Variants in SUMF1 observed in about 807,000 individuals in gnomAD.
SUMF1 encodes sulfatase modifying factor 1.
A neutral mutation model predicts 47.6 loss-of-function variants in SUMF1; 48 were observed. That is an observed-to-expected ratio of 1.01 (90% confidence interval 0.80 to 1.28). The LOEUF (loss-of-function observed/expected upper bound fraction) is 1.28, where lower values mean the gene tolerates loss of function less well. SUMF1 is among the 50% of genes most tolerant of loss of function. SUMF1 has a pLI of 0.00. For missense variants in SUMF1, 571 were observed against 485.4 expected (o/e 1.18, Z -1.66); for synonymous variants, 230 against 192.1 (o/e 1.20, Z -1.63).
At chr3:4,416,816 G>A (rs373908172) in intron 6 of SUMF1, among the ~76,000 whole-genome samples, 21 of 152,280 alleles carry the variant, frequency 1.4e-4, no homozygotes, top group African/African-American at 5.1e-4. Flanking sequence ...AACAAATGGG[G>A]AAGAAATGCA....
chr3:4,317,311 G>T, intron 8 of SUMF1: 6 of 1,019,860 alleles, frequency 5.9e-6, no homozygotes, highest in Non-Finnish European at 7.0e-6. Context: ...AGTTAGTTTT[G>T]CACCAACCCA....
chr3:4,132,440 T>C (rs1693814429), intron 8 of SUMF1, among the ~76,000 whole-genome samples: 3 of 152,072 alleles, frequency 2.0e-5, no homozygotes, highest in Admixed American at 6.5e-5. Flanking sequence ...GGGTCAAAGT[T>C]CTCCAGAAGG....
chr3:4,346,930 T>G (rs900073857), intron 8 of SUMF1, among the ~76,000 whole-genome samples: 1 of 152,118 alleles, frequency 6.6e-6, no homozygotes, highest in Non-Finnish European at 1.5e-5. Flanking sequence ...CTAGAAAATC[T>G]AGAAGAAATG....
intron 8 of SUMF1, among the ~76,000 whole-genome samples, chr3:4,095,986 A>C (rs1465169790): frequency 6.6e-6 from 1 of 152,132 alleles, no homozygotes; most frequent in Non-Finnish European, 1.5e-5. Flanking sequence ...CCACCTGGTA[A>C]AATAACTACT....
At chr3:4,046,051 T>C (rs923746702) in intron 9 of SUMF1, among the ~76,000 whole-genome samples, 2 of 151,924 alleles carry the variant, frequency 1.3e-5, no homozygotes, top group Admixed American at 6.6e-5. Context: ...AGCTTGTCTC[T>C]TAAAAAAGAA....
At chr3:4,321,691 AC>A (rs1159079564) in intron 8 of SUMF1, among the ~76,000 whole-genome samples, 2 of 152,148 alleles carry the variant, frequency 1.3e-5, no homozygotes, top group East Asian at 3.8e-4. Context: ...TGGGGTAAAG[AC>A]AAATCTAACT....
Position 4,152,012 on chromosome 3 carries a change from G to A in SUMF1, c.1015-83267C>T, listed in dbSNP as rs373565699. 7.9e-5 allele frequency among the ~76,000 whole-genome samples: 12 copies of A among 151,642 alleles called. 2 individuals carry two copies. Among genetic ancestry groups the A allele is most frequent in the Admixed American group, 6.5e-5 (1 of 15,280 alleles). On this transcript the variant is annotated intron_variant and NMD_transcript_variant, in intron 8 of 12. Transcript: ENST00000448413. Reference sequence around the variant, plus strand: ...CCCAATTCAGTTCAAGTATTAATATGATGAAAATACAAGCATTCATAATGT... The same window carrying A: ...CCCAATTCAGTTCAAGTATTAATATAATGAAAATACAAGCATTCATAATGT...
Position 4,223,933 on chromosome 3 carries a change from C to G in SUMF1, c.1014+152397G>C, listed in dbSNP as rs6798737. ...TTCATTTCTTCATCTGTTAAATAAG[C>G]CTCATAATCCCCCTAGCTATCTCTT... On this transcript the variant is annotated intron_variant and NMD_transcript_variant, in intron 8 of 12. Transcript: ENST00000448413. Among the ~76,000 whole-genome samples, 98 of 152,240 alleles carry G rather than the reference C, an allele frequency of 6.4e-4. 1 individual carries two copies. Among genetic ancestry groups the G allele is most frequent in the African/African-American group, 2.2e-3 (92 of 41,550 alleles).
At chr3:4,271,787 C>A (rs1400914969) in intron 8 of SUMF1, among the ~76,000 whole-genome samples, 1 of 152,094 alleles carries the variant, frequency 6.6e-6, no homozygotes, top group Non-Finnish European at 1.5e-5. Flanking sequence ...CAAGAATGAG[C>A]CAACCTGGTC....
In SUMF1 at chr3:4,105,567, T is replaced by C. The variant is rs111859156; in HGVS notation, c.1015-36822A>G. 4.2e-3 allele frequency among the ~76,000 whole-genome samples: 639 copies of C among 152,136 alleles called. 11 individuals carry two copies. The highest frequency in any genetic ancestry group is 0.015 in the African/African-American group (607 of 41,480). ...GAATAATATCAAAAATCATCAAAGA[T>C]TTTTGGGTCCAGGTAATCTGGAAAA... On this transcript the variant is annotated intron_variant and NMD_transcript_variant, in intron 8 of 12. Transcript: ENST00000448413.
At chr3:4,128,905 T>C (rs1459559331) in intron 8 of SUMF1, among the ~76,000 whole-genome samples, 1 of 152,086 alleles carries the variant, frequency 6.6e-6, no homozygotes, top group East Asian at 1.9e-4. Flanking sequence ...TCTAATAGTT[T>C]ATTTGCTTGG....
intron 8 of SUMF1, among the ~76,000 whole-genome samples, chr3:4,214,198 TAACA>T (rs1473621755): frequency 1.3e-5 from 2 of 152,098 alleles, no homozygotes; most frequent in Admixed American, 1.3e-4. Flanking sequence ...ACGGAAATCA[TAACA>T]AACAGTCTCT....
At chr3:4,378,858 A>C (rs1053743492) in intron 7 of SUMF1, among the ~76,000 whole-genome samples, 2 of 152,038 alleles carry the variant, frequency 1.3e-5, no homozygotes, top group African/African-American at 4.8e-5. Context: ...CGTGCAATTT[A>C]GACTCCTCAA....
intron 8 of SUMF1, among the ~76,000 whole-genome samples, chr3:4,283,410 A>G (rs1278398717): frequency 6.6e-6 from 1 of 152,238 alleles, no homozygotes; most frequent in African/African-American, 2.4e-5. Flanking sequence ...AAATATTAAT[A>G]CGTTCTCCAA....
chr3:4,045,774 CTT>C (rs940925191), intron 9 of SUMF1, among the ~76,000 whole-genome samples: 1 of 152,144 alleles, frequency 6.6e-6, no homozygotes, highest in Non-Finnish European at 1.5e-5. Flanking sequence ...ATATGGTGTT[CTT>C]CACAAGAAAC....
At chr3:4,161,692 G>A (rs1225129226) in intron 8 of SUMF1, among the ~76,000 whole-genome samples, 1 of 151,938 alleles carries the variant, frequency 6.6e-6, no homozygotes, top group African/African-American at 2.4e-5. Context: ...TCACCCTTCA[G>A]GGCAGTGGGC....
At chr3:4,413,338 C>G (rs1701605818) in intron 6 of SUMF1, among the ~76,000 whole-genome samples, 1 of 152,018 alleles carries the variant, frequency 6.6e-6, no homozygotes, top group South Asian at 2.1e-4. Context: ...ACTAGGCAAG[C>G]AACTTAACCT....
chr3:4,364,293 G>T (rs2125183203), intron 8 of SUMF1, among the ~76,000 whole-genome samples: 1 of 107,044 alleles, frequency 9.3e-6, no homozygotes, highest in Non-Finnish European at 2.1e-5. Flanking sequence ...AGTTTCAGAA[G>T]GAATGGTACC....
chr3:4,284,315 G>A (rs991567516), intron 8 of SUMF1, among the ~76,000 whole-genome samples: 1 of 151,872 alleles, frequency 6.6e-6, no homozygotes, highest in Non-Finnish European at 1.5e-5. Flanking sequence ...GGGGGGCTGA[G>A]GTGGGAGGAT....
Sources: gnomAD v4.1 joint callset for allele counts (sites outside exome capture counted in the v4.1 genomes callset) on GRCh38, gnomAD v4.1.1 for gene constraint, MANE v1.5 for transcripts, NCBI Gene and HGNC (gene_info 2026-07-23, HGNC 2026-07-21) for gene names.